Variants in PPM1A observed in about 807,000 individuals in gnomAD.
The protein encoded by PPM1A is protein phosphatase, Mg2+/Mn2+ dependent 1A.
Under a neutral mutation model 35.0 loss-of-function variants are expected in PPM1A, and 7 were observed. The observed-to-expected ratio is 0.20, with a 90% CI of 0.11 to 0.38. The LOEUF is 0.38. Among genes scored for constraint, PPM1A ranks in the 10% least tolerant of loss-of-function variants. PPM1A has a pLI of 1.00. For missense variants in PPM1A, 239 were observed against 467.8 expected (o/e 0.51, Z 4.51); for synonymous variants, 153 against 167.3 (o/e 0.91, Z 0.66).
Position 60,283,738 on chromosome 14 carries a change from A to C in PPM1A, c.834+201A>C, listed in dbSNP as rs977638464. ...AATTACCATCTCTGCAAGAGTTATA[A>C]GCTGAATGTTTAGTCTTACTACTTG... On this transcript the variant is annotated intron_variant, in intron 2 of 5. Transcript: ENST00000395076. This position sits in a 1 kb window ranked among gnomAD's most constrained non-coding sequence, Gnocchi z 6.3. Among the ~76,000 whole-genome samples the C allele has an allele frequency of 5.3e-5, 8 of 152,228 alleles. No homozygotes were observed. The highest frequency in any genetic ancestry group is 1.0e-4 in the Non-Finnish European group (7 of 68,038).
Position 60,291,422 on chromosome 14 carries a change from A to T in PPM1A, c.1087A>T (p.Asn363Tyr). 6 of 1,580,688 alleles carry T rather than the reference A, an allele frequency of 3.8e-6. No homozygotes were observed. Among genetic ancestry groups the T allele is most frequent in the Non-Finnish European group, 5.2e-6 (6 of 1,159,874 alleles). The change falls in exon 5 of 6, where the codon AAT (asparagine) becomes TAT (tyrosine). Residue 363 changes from asparagine (N) to tyrosine (Y), a missense_variant. Physicochemically the swap from Asn to Tyr is moderately radical, Grantham distance 143 (BLOSUM62 -2). This residue lies in a region of PPM1A where 64 missense variants were observed against 78.6 expected (regional missense o/e 0.81). Transcript: ENST00000395076. ...SKRNVIEAVY[N>Y]RLNPYKNDDT... ...GAGGAATGTTATTGAAGCCGTTTAC[A>T]ATAGACTGAATCCTTACAAAAATGA... is the stretch of plus-strand genomic sequence containing the variant.
intron 1 of PPM1A, among the ~76,000 whole-genome samples, chr14:60,264,771 C>G (rs1410562835): frequency 1.3e-5 from 2 of 152,064 alleles, no homozygotes; most frequent in African/African-American, 4.8e-5. Context: ...CTTTGTCCAG[C>G]TAGAGTTTAT....
Position 60,254,785 on chromosome 14 carries a change from C to G in PPM1A, c.-21+5108C>G, listed in dbSNP as rs147701606. On this transcript the variant is annotated intron_variant, in intron 1 of 5. Coordinates refer to ENST00000395076, the MANE Select transcript of PPM1A (RefSeq NM_021003.5). ...ATTCTATAAACCATCAAAATTCTTT[C>G]TAAACTATGGTTTTTCATTATATCA... is the stretch of plus-strand genomic sequence containing the variant. Among the ~76,000 whole-genome samples, 638 of 152,294 alleles carry G rather than the reference C, an allele frequency of 4.2e-3. 10 individuals carry two copies. The highest frequency in any genetic ancestry group is 0.015 in the African/African-American group (608 of 41,570).
chr14:60,254,066 A>G (rs1882759072), intron 1 of PPM1A, among the ~76,000 whole-genome samples: 1 of 152,226 alleles, frequency 6.6e-6, no homozygotes. Context: ...TACCATGAAG[A>G]AAGTGCCAAA....
At chr14:60,284,115 C>G (rs1242882218) in intron 2 of PPM1A, among the ~76,000 whole-genome samples, 23 of 152,150 alleles carry the variant, frequency 1.5e-4, no homozygotes, top group Non-Finnish European at 2.9e-5. Flanking sequence ...AAGGATAAGA[C>G]ATTATTATCT....
At position 60,289,904 on chromosome 14, in the gene PPM1A, T is replaced by C. The variant is rs1887449945; in HGVS notation, c.1051T>C (p.Leu351=). 6.3e-7 allele frequency: 1 copy of C among 1,583,254 alleles called. No individual in the cohort carries two copies. The highest frequency in any genetic ancestry group is 8.5e-7 in the Non-Finnish European group (1 of 1,170,274). Residue 351 remains leucine (L), a synonymous_variant, in exon 4 of 6, where the codon TTG becomes CTG. Transcript: ENST00000395076. The surrounding 1 kb of genome is among the most constrained non-coding windows in gnomAD (Gnocchi z 4.1). ...NIPSLPPGGE[L]ASKRNVIEAV... ...CCCCAGCCTCCCACCAGGGGGTGAATTGGCAAGCAAGTAAGTTACATTCTG... is the reference window on the plus strand; with the variant it reads ...CCCCAGCCTCCCACCAGGGGGTGAACTGGCAAGCAAGTAAGTTACATTCTG...
intron 1 of PPM1A, among the ~76,000 whole-genome samples, chr14:60,269,070 A>G (rs1381638700): frequency 6.6e-6 from 1 of 152,070 alleles, no homozygotes; most frequent in Non-Finnish European, 1.5e-5. Flanking sequence ...TTTGAACAGA[A>G]TATATAGTCT....
chr14:60,297,244 G>T lies in PPM1A; in HGVS notation c.*4762G>T, dbSNP rs1169893967. On this transcript the variant is annotated 3_prime_UTR_variant, in exon 6 of 6. Coordinates refer to ENST00000395076, the MANE Select transcript of PPM1A (RefSeq NM_021003.5). ...GGGCTGAAAATGAGAAAACTTGGGA[G>T]ATGGAGGAATGGGGAAATGGCAGTG... 1 of 151,708 alleles carries T rather than the reference G, an allele frequency of 6.6e-6. No homozygotes were observed. Among genetic ancestry groups the T allele is most frequent in the Admixed American group, 6.6e-5 (1 of 15,202 alleles). The allele number at this position is 151,708 out of a possible 1,614,324, so 9.4% of individuals were successfully genotyped here.
Position 60,293,979 on chromosome 14 carries a change from T to C in PPM1A, c.*1497T>C, listed in dbSNP as rs1336205591. ...GTCTCTTTAGGTTGAATATTGTATT[T>C]ATCACCATGTAATCATTCAGTAGGC... On this transcript the variant is annotated 3_prime_UTR_variant, in exon 6 of 6. Coordinates refer to ENST00000395076, the MANE Select transcript of PPM1A (RefSeq NM_021003.5). This position sits in a 1 kb window ranked among gnomAD's most constrained non-coding sequence, Gnocchi z 4.0. 6.6e-6 allele frequency: 1 copy of C among 151,928 alleles called. No homozygotes were observed. Among genetic ancestry groups the C allele is most frequent in the African/African-American group, 2.4e-5 (1 of 41,418 alleles). The allele number at this position is 151,928 out of a possible 1,614,324, so 9.4% of individuals were successfully genotyped here. A position where few individuals can be genotyped will look rare whatever the true frequency, so the allele number is the denominator to read the frequency against.
chr14:60,268,166 G>T (rs1485201257), intron 1 of PPM1A: 2 of 345,162 alleles, frequency 5.8e-6, no homozygotes, highest in Non-Finnish European at 8.2e-6. Flanking sequence ...ACATATTACA[G>T]TTTGTTGTGA....
chr14:60,271,702 C>T (rs1885139024), intron 1 of PPM1A, among the ~76,000 whole-genome samples: 1 of 151,822 alleles, frequency 6.6e-6, no homozygotes, highest in Non-Finnish European at 1.5e-5. Context: ...CTGCTTTTTT[C>T]TTTTCATTTC....
chr14:60,249,698 G>T lies in PPM1A; in HGVS notation c.-21+21G>T. The T allele has an allele frequency of 1.0e-6, 1 of 983,450 alleles. No homozygotes were observed. Among genetic ancestry groups the T allele is most frequent in the South Asian group, 4.6e-5 (1 of 21,974 alleles). The allele number at this position is 983,450 out of a possible 1,614,324, so 60.9% of individuals were successfully genotyped here. ...TCCGGGTAAGTGCGGCGCTCGGGCCGACGGCGGGCTGGCGGGCGGTGCGGG... is the reference window on the plus strand; with the variant it reads ...TCCGGGTAAGTGCGGCGCTCGGGCCTACGGCGGGCTGGCGGGCGGTGCGGG... On this transcript the variant is annotated intron_variant, in intron 1 of 5. Transcript: ENST00000395076. The surrounding 1 kb of genome is among the most constrained non-coding windows in gnomAD (Gnocchi z 4.5).
chr14:60,286,363 G>A, intron 3 of PPM1A: 2 of 985,696 alleles, frequency 2.0e-6, no homozygotes, highest in Non-Finnish European at 2.4e-6. Context: ...GAAATAAGTT[G>A]AGCATTTCTG....
chr14:60,280,178 G>GT (rs1420859167), intron 1 of PPM1A, among the ~76,000 whole-genome samples: 2 of 152,078 alleles, frequency 1.3e-5, no homozygotes, highest in Admixed American at 1.3e-4. Flanking sequence ...GCTAATTTTT[G>GT]TATTTTTAGT....
chr14:60,261,489 G>A lies in PPM1A; in HGVS notation c.-21+11812G>A, dbSNP rs546088905. 6.6e-5 allele frequency among the ~76,000 whole-genome samples: 10 copies of A among 152,180 alleles called. No homozygotes were observed. In the South Asian group the frequency reaches 2.1e-3, roughly 32 times the overall value. On this transcript the variant is annotated intron_variant, in intron 1 of 5. Coordinates refer to ENST00000395076, the MANE Select transcript of PPM1A (RefSeq NM_021003.5). ...TAAGATATTTTCTTTCTAGAACCTTGTGTAGGAATTTTACAGCTGACCATA... is the reference window on the plus strand; with the variant it reads ...TAAGATATTTTCTTTCTAGAACCTTATGTAGGAATTTTACAGCTGACCATA...
chr14:60,286,998 CTA>C (rs1252989777), intron 3 of PPM1A: 2 of 897,084 alleles, frequency 2.2e-6, no homozygotes, highest in Non-Finnish European at 2.7e-6. Flanking sequence ...TTGGTTCAAA[CTA>C]TTGATTCATG....
intron 2 of PPM1A, among the ~76,000 whole-genome samples, chr14:60,284,515 G>A (rs1218391220): frequency 9.2e-5 from 14 of 151,672 alleles, no homozygotes; most frequent in Admixed American, 2.6e-4. Flanking sequence ...GGTGGCGGGC[G>A]CCTGTAGTCC....
chr14:60,286,688 T>TC, intron 3 of PPM1A: 1 of 984,724 alleles, frequency 1.0e-6, no homozygotes, highest in Non-Finnish European at 1.2e-6. Context: ...TAATTTTTTT[T>TC]CCCCTTTTTA....
intron 1 of PPM1A, among the ~76,000 whole-genome samples, chr14:60,266,587 A>G (rs936191508): frequency 6.6e-6 from 1 of 152,178 alleles, no homozygotes; most frequent in Non-Finnish European, 1.5e-5. Context: ...GCAGGAGTGG[A>G]AAAGATCAGC....
Sources: allele counts gnomAD v4.1 joint callset (sites outside exome capture counted in the v4.1 genomes callset), GRCh38; gene constraint gnomAD v4.1.1; regional missense constraint gnomAD v4.1.1; non-coding constraint Gnocchi (gnomAD v3.1); transcripts MANE v1.5; gene names NCBI Gene and HGNC (gene_info 2026-07-23, HGNC 2026-07-21).